CD38: variants seen among roughly 807,000 people sequenced by gnomAD.
The protein encoded by CD38 is CD38 molecule.
In CD38, 31 loss-of-function variants were observed where a neutral mutation model predicts 36.3. That is an observed-to-expected ratio of 0.85 (90% CI 0.64 to 1.15). The LOEUF is 1.15. Ranked by LOEUF, CD38 falls within the 50% of genes most tolerant of loss-of-function variation. The probability of loss-of-function intolerance (pLI) is 0.00; values close to 1 mark genes in which losing one functional copy is unlikely to be tolerated. For missense variants in CD38, 380 were observed against 371.9 expected, an observed-to-expected ratio of 1.02 and a Z score of -0.18; for synonymous variants, 131 against 135.2, an observed-to-expected ratio of 0.97 and a Z score of 0.22.
chr4:15,840,699 A>C (rs1724188266), intron 7 of CD38, among the ~76,000 whole-genome samples, 161 bp downstream of exon 7: 1 of 152,136 alleles, frequency 6.6e-6, no homozygotes, highest in Non-Finnish European at 1.5e-5. Flanking sequence ...CCCTCCTTCC[A>C]AGCCGAGTCC....
chr4:15,834,397 A>G, intron 4 of CD38, 95 bp downstream of exon 4: 2 of 775,030 alleles, frequency 2.6e-6, no homozygotes, highest in South Asian at 1.5e-5. Flanking sequence ...TTGGATTACA[A>G]ATACTTTTAG....
chr4:15,779,659 CGT>C (rs1324367392), intron 1 of CD38, among the ~76,000 whole-genome samples: 1 of 152,168 alleles, frequency 6.6e-6, no homozygotes, highest in Non-Finnish European at 1.5e-5. Context: ...GGCTTCCCAG[CGT>C]CCCGTTAGTT....
At chr4:15,803,202 CAT>C (rs1416590416) in intron 1 of CD38, among the ~76,000 whole-genome samples, 1 of 152,036 alleles carries the variant, frequency 6.6e-6, no homozygotes, top group Non-Finnish European at 1.5e-5. Flanking sequence ...TAAGAGAAAA[CAT>C]AAGGAAAATG....
At chr4:15,848,511 G>T (rs79242430) in intron 7 of CD38, 28 bp from the exon 8 acceptor site, 2 of 1,588,634 alleles carry the variant, frequency 1.3e-6, no homozygotes, top group South Asian at 1.1e-5. Context: ...ACGGTCTCTT[G>T]ATTTCCTTTT....
chr4:15,812,100 T>A (rs6841880), intron 1 of CD38, among the ~76,000 whole-genome samples: 58,737 of 152,054 alleles, frequency 0.39, 13,040 homozygotes, highest in African/African-American at 0.61. Context: ...TTGTGCCTGT[T>A]AAATAACTTG....
At chr4:15,786,205 C>T (rs947764048) in intron 1 of CD38, among the ~76,000 whole-genome samples, 1 of 152,058 alleles carries the variant, frequency 6.6e-6, no homozygotes, top group Admixed American at 6.5e-5. Flanking sequence ...AACGGGACGC[C>T]AATGGGTTGC....
At chr4:15,819,307 A>G (rs1323940602) in intron 2 of CD38, among the ~76,000 whole-genome samples, 1 of 152,050 alleles carries the variant, frequency 6.6e-6, no homozygotes, top group African/African-American at 2.4e-5. Flanking sequence ...CATTCTGCAC[A>G]TGTAACCCAG....
At chr4:15,819,786 G>A (rs1723691123) in intron 2 of CD38, among the ~76,000 whole-genome samples, 1 of 152,190 alleles carries the variant, frequency 6.6e-6, no homozygotes, top group South Asian at 2.1e-4. Context: ...ACCTGAAAGA[G>A]ACAGGAAGAA....
intron 1 of CD38, among the ~76,000 whole-genome samples, chr4:15,805,825 G>T (rs1421109714): frequency 6.6e-6 from 1 of 152,140 alleles, no homozygotes; most frequent in Non-Finnish European, 1.5e-5. Context: ...TTCAACACAG[G>T]TTCTGGTAGC....
At chr4:15,790,825 G>A (rs377022537) in intron 1 of CD38, among the ~76,000 whole-genome samples, 33 of 147,426 alleles carry the variant, frequency 2.2e-4, no homozygotes, top group African/African-American at 5.4e-4. Flanking sequence ...CCTCTGCCCC[G>A]CCGCCCTGTC....
chr4:15,793,359 TTTTA>T (rs1483544624), intron 1 of CD38, among the ~76,000 whole-genome samples: 9 of 152,022 alleles, frequency 5.9e-5, no homozygotes, highest in African/African-American at 1.9e-4. Flanking sequence ...GGAACAAAGT[TTTTA>T]TTTAACATGT....
intron 2 of CD38, among the ~76,000 whole-genome samples, chr4:15,823,829 T>C (rs1299749999): frequency 6.6e-6 from 1 of 152,054 alleles, no homozygotes. Flanking sequence ...TAGAAATCAT[T>C]CTATTATAAA....
Position 15,851,153 on chromosome 4 carries a change from C to G in CD38, c.*2551C>G, listed in dbSNP as rs1353999480. On this transcript the variant is annotated 3_prime_UTR_variant, in exon 8 of 8. Transcript: ENST00000226279. Reference sequence around the variant, plus strand: ...CAGAGGTGGTGAGGGGCTGGGTGCTCTTTTCTCCGTGCATGACCTTGTGTG... The same window carrying G: ...CAGAGGTGGTGAGGGGCTGGGTGCTGTTTTCTCCGTGCATGACCTTGTGTG... 6.6e-6 allele frequency: 1 copy of G among 152,332 alleles called. No individual in the cohort carries two copies. Among genetic ancestry groups the G allele is most frequent in the African/African-American group, 2.4e-5 (1 of 41,436 alleles). 9.4% of individuals were successfully genotyped at this position (152,332 alleles called of 1,614,324 possible). A position where few individuals can be genotyped will look rare whatever the true frequency, so the allele number is the denominator to read the frequency against.
At chr4:15,794,337 A>C (rs1427327220) in intron 1 of CD38, among the ~76,000 whole-genome samples, 1 of 152,220 alleles carries the variant, frequency 6.6e-6, no homozygotes, top group Non-Finnish European at 1.5e-5. Context: ...GTTGGAACAT[A>C]ACCCTGGCAG....
chr4:15,796,373 A>C (rs1723104276), intron 1 of CD38, among the ~76,000 whole-genome samples: 1 of 151,206 alleles, frequency 6.6e-6, no homozygotes. Flanking sequence ...ACTTGAGGGA[A>C]CTCCTTTTCT....
rs536093447 is a variant in CD38, at chr4:15,780,174, G to T, written c.233+1527G>T. Among the ~76,000 whole-genome samples, 4 of 152,296 alleles carry T rather than the reference G, an allele frequency of 2.6e-5. No individual in the cohort carries two copies. The South Asian group carries it at 8.3e-4, about 32-fold the overall frequency. On this transcript the variant is annotated intron_variant, in intron 1 of 7. Transcript: ENST00000226279. Reference sequence around the variant, plus strand: ...CTAGTGATGAAACTGCTGAGTAAAAGGGAGAATTATGCATATTTTAAGTTT... The same window carrying T: ...CTAGTGATGAAACTGCTGAGTAAAATGGAGAATTATGCATATTTTAAGTTT...
chr4:15,817,520 C>T (rs934925252), intron 2 of CD38, among the ~76,000 whole-genome samples: 4 of 152,172 alleles, frequency 2.6e-5, no homozygotes, highest in Admixed American at 2.0e-4. Context: ...AGTGACTATG[C>T]GATGGATAGT....
At chr4:15,792,890 G>C (rs569942864) in intron 1 of CD38, among the ~76,000 whole-genome samples, 1 of 152,030 alleles carries the variant, frequency 6.6e-6, no homozygotes, top group East Asian at 1.9e-4. Context: ...ATCAAGATTT[G>C]CACATTGCAT....
In CD38 at chr4:15,832,550, T is replaced by C. The variant is rs367717416; in HGVS notation, c.500-1667T>C. 5.3e-5 allele frequency among the ~76,000 whole-genome samples: 8 copies of C among 152,274 alleles called. No homozygotes were observed. The East Asian group carries it at 1.2e-3, about 22-fold the overall frequency. On this transcript the variant is annotated intron_variant, in intron 3 of 7. Coordinates refer to ENST00000226279, the MANE Select transcript of CD38 (RefSeq NM_001775.4). ...GGTCTTGGACAAGATCTAGAAGGATTCTCTGGATTACCAGGCAGAGATTCT... is the reference window on the plus strand; with the variant it reads ...GGTCTTGGACAAGATCTAGAAGGATCCTCTGGATTACCAGGCAGAGATTCT...
Sources: allele counts gnomAD v4.1 joint callset (sites outside exome capture counted in the v4.1 genomes callset), GRCh38; gene constraint gnomAD v4.1.1; transcripts MANE v1.5; gene names NCBI Gene and HGNC (gene_info 2026-07-23, HGNC 2026-07-21).